Variants in IHO1 observed in about 807,000 individuals in gnomAD.
IHO1 encodes interactor of HORMAD1 protein 1.
In IHO1, 13 loss-of-function variants were observed where a neutral mutation model predicts 31.0. That is an observed-to-expected ratio of 0.42 (90% CI 0.27 to 0.67). The LOEUF is 0.67. IHO1 is among the 30% of genes least tolerant of loss of function. The pLI is 0.24. For missense variants in IHO1, 599 were observed against 687.5 expected (o/e 0.87, Z 1.44); for synonymous variants, 221 against 248.4 (o/e 0.89, Z 1.04).
intron 1 of IHO1, 75 bp from the exon 2 acceptor site, chr3:49,211,691 T>C (rs754006409): frequency 3.1e-6 from 2 of 645,438 alleles, no homozygotes; most frequent in African/African-American, 1.9e-5. Flanking sequence ...TTCGTGTACA[T>C]ATAATAGTCA....
At chr3:49,245,180 C>A in intron 6 of IHO1, 3 of 274,616 alleles carry the variant, frequency 1.1e-5, no homozygotes, top group Non-Finnish European at 2.0e-5. Flanking sequence ...ATCACAGCAT[C>A]ATTCTCAATT....
In IHO1 at chr3:49,256,821, A is replaced by C. The variant is rs745797701; in HGVS notation, c.1324A>C (p.Lys442Gln). The C allele has an allele frequency of 3.7e-5, 59 of 1,614,116 alleles. No homozygotes were observed. The highest frequency in any genetic ancestry group is 4.8e-5 in the Non-Finnish European group (57 of 1,180,044). ...TGTAGAAATGCGGGGGAAAGACAAG[A>C]AGCAGCAGCCCAGGAAGGCCCACAG... ...GTVEMRGKDKKQQPRKAHRAH... is the reference protein window; with the variant it reads ...GTVEMRGKDKQQQPRKAHRAH... Residue 442 changes from lysine to glutamine, a missense_variant, in exon 8 of 8, where the codon AAG (lysine) becomes CAG (glutamine). Physicochemically the swap from Lys to Gln is moderately conservative, Grantham distance 53 (BLOSUM62 1). Transcript: ENST00000452691. The surrounding 1 kb of genome is among the most constrained non-coding windows in gnomAD (Gnocchi z 4.6).
chr3:49,237,887 C>CTGTTTTTTTTTTTTTTTTTT (rs2046578977), intron 3 of IHO1, among the ~76,000 whole-genome samples: 1 of 51,414 alleles, frequency 1.9e-5, no homozygotes, highest in Non-Finnish European at 3.3e-5. Flanking sequence ...CTGTCTTTTC[C>CTGTTTTTTTTTTTTTTTTTT]TTTTTTTTTT....
rs1345298311 is a variant in IHO1 at position 49,241,253 on chromosome 3, C to G, written c.259C>G (p.Gln87Glu). ...TGAACCTAGCATTTTCACAAAGTAC[C>G]AGACAAAGCCCCAGCTGTTCGGAGG... ...EGEPSIFTKY[Q>E]TKPQLFGGDI... The change falls in exon 4 of 8, where the codon CAG becomes GAG. Residue 87 changes from glutamine to glutamate, a missense_variant. By Grantham distance (29) the Gln-to-Glu change is conservative. Coordinates refer to ENST00000452691, the MANE Select transcript of IHO1 (RefSeq NM_001135197.2). The G allele has an allele frequency of 1.2e-6, 2 of 1,609,494 alleles. No individual in the cohort carries two copies. Among genetic ancestry groups the G allele is most frequent in the East Asian group, 2.2e-5 (1 of 44,772 alleles).
intron 1 of IHO1, among the ~76,000 whole-genome samples, chr3:49,205,307 T>C (rs1300104482): frequency 1.3e-5 from 2 of 151,864 alleles, no homozygotes; most frequent in African/African-American, 2.4e-5. Context: ...AGCTATGATA[T>C]GCGGTGAGGG....
intron 3 of IHO1, among the ~76,000 whole-genome samples, chr3:49,240,443 C>G (rs2046617419): frequency 6.6e-6 from 1 of 152,056 alleles, no homozygotes; most frequent in Non-Finnish European, 1.5e-5. Context: ...AGGCTGGTCT[C>G]AAACTCCTGA....
intron 2 of IHO1, among the ~76,000 whole-genome samples, chr3:49,233,288 T>C (rs1559446773): frequency 6.6e-6 from 1 of 152,234 alleles, no homozygotes. Flanking sequence ...TATGGCCTGC[T>C]GTAGGAGCTA....
chr3:49,208,209 C>T (rs2107683220), intron 1 of IHO1, among the ~76,000 whole-genome samples: 1 of 152,290 alleles, frequency 6.6e-6, no homozygotes, highest in East Asian at 1.9e-4. Context: ...AGCAGACCTC[C>T]ATTACAATGC....
At chr3:49,217,844 T>C (rs2107694607) in intron 2 of IHO1, among the ~76,000 whole-genome samples, 1 of 152,266 alleles carries the variant, frequency 6.6e-6, no homozygotes, top group Middle Eastern at 3.4e-3. Flanking sequence ...TGTGCTCCTG[T>C]TAGAATCTAA....
At chr3:49,245,655 G>A (rs2046685560) in intron 6 of IHO1, 2 of 152,186 alleles carry the variant, frequency 1.3e-5, no homozygotes, top group South Asian at 2.1e-4. Context: ...CTAGCAAAAC[G>A]ATGAGCTGAT....
At chr3:49,193,644 C>T (rs986510174), upstream of IHO1, among the ~76,000 whole-genome samples, 29 of 98,966 alleles carry the variant, frequency 2.9e-4, no homozygotes, top group African/African-American at 1.0e-3. Context: ...GGCGACAAAG[C>T]GAGACTCTAC....
At chr3:49,193,098 C>T in the IHO1 span, among the ~76,000 whole-genome samples, 4 of 152,242 alleles carry the variant, frequency 2.6e-5, no homozygotes, top group African/African-American at 7.2e-5. Context: ...TGGCCAGGTG[C>T]GGTCACTCAC....
Position 49,241,382 on chromosome 3 carries a change from T to TG in IHO1, c.389dup (p.Cys130TrpfsTer2), listed in dbSNP as rs2046628991. 1 of 1,609,348 alleles carries TG rather than the reference T, an allele frequency of 6.2e-7. No homozygotes were observed. Among genetic ancestry groups the TG allele is most frequent in the African/African-American group, 1.3e-5 (1 of 74,596 alleles). On this transcript the variant is annotated frameshift_variant, in exon 4 of 8. Transcript: ENST00000452691. LOFTEE classifies it high-confidence loss of function. The stretch of plus-strand genomic sequence containing the variant: ...GAAAAAGAAAAGGGCAAAAGACAAA[T>TG]GTGACAGGTATGTAAACCTTTCAAA...
At chr3:49,214,606 T>TCATATATATATATATATACA (rs1553616582) in intron 2 of IHO1, among the ~76,000 whole-genome samples, 1 of 49,512 alleles carries the variant, frequency 2.0e-5, no homozygotes, top group Non-Finnish European at 4.0e-5. Context: ...TATTTCTAGA[T>TCATATATATATATATATACA]CATATATATA....
At chr3:49,229,703 G>A (rs971361305) in intron 2 of IHO1, among the ~76,000 whole-genome samples, 6 of 152,162 alleles carry the variant, frequency 3.9e-5, no homozygotes, top group Admixed American at 3.3e-4. Flanking sequence ...CAGCATGGCC[G>A]TCAACATGGC....
chr3:49,244,814 C>T (rs1366620036), intron 6 of IHO1, 81 bp downstream of exon 6: 21 of 1,245,306 alleles, frequency 1.7e-5, no homozygotes, highest in Middle Eastern at 1.9e-4. Context: ...GCCTGGTTTC[C>T]AGTGGTGAGG....
intron 1 of IHO1, among the ~76,000 whole-genome samples, chr3:49,210,697 C>CT (rs768927173): frequency 0.048 from 6,270 of 131,572 alleles, 588 homozygotes; most frequent in African/African-American, 0.17. Flanking sequence ...CTGCGCCCGG[C>CT]TTTTTTTTTT....
chr3:49,194,174 A>G, upstream of IHO1, among the ~76,000 whole-genome samples: 1 of 149,512 alleles, frequency 6.7e-6, no homozygotes, highest in East Asian at 2.0e-4. Flanking sequence ...AGGCTGAGGC[A>G]GGAGAATTGC....
Position 49,257,368 on chromosome 3 carries a change from C to A in IHO1, c.*86C>A. 7.4e-7 allele frequency: 1 copy of A among 1,345,592 alleles called. No individual in the cohort carries two copies. Among genetic ancestry groups the A allele is most frequent in the Non-Finnish European group, 1.0e-6 (1 of 966,764 alleles). 83.4% of individuals were successfully genotyped at this position (1,345,592 alleles called of 1,614,324 possible). ...GGCCAACAGCAGAAAGTCCCTGAAGCCTGCCAAGTACCCAGGGTCAGAGGC... is the reference window on the plus strand; with the variant it reads ...GGCCAACAGCAGAAAGTCCCTGAAGACTGCCAAGTACCCAGGGTCAGAGGC... On this transcript the variant is annotated 3_prime_UTR_variant, in exon 8 of 8. Transcript: ENST00000452691.
Sources: allele counts gnomAD v4.1 joint callset (sites outside exome capture counted in the v4.1 genomes callset), GRCh38; gene constraint gnomAD v4.1.1; non-coding constraint Gnocchi (gnomAD v3.1); transcripts MANE v1.5; gene names NCBI Gene and HGNC (gene_info 2026-07-23, HGNC 2026-07-21).